Variants in TSHZ2 observed in about 807,000 individuals in gnomAD.
The protein encoded by TSHZ2 is teashirt zinc finger homeobox 2, also known as teashirt homolog 2.
Under a neutral mutation model 74.4 loss-of-function variants are expected in TSHZ2, and 21 were observed. That is an observed-to-expected ratio of 0.28 (90% CI 0.20 to 0.41). The LOEUF (loss-of-function observed/expected upper bound fraction) is 0.41. Ranked by LOEUF, TSHZ2 falls within the 10% of genes least tolerant of loss-of-function variation. The pLI is 1.00. For synonymous variants in TSHZ2, 540 were observed against 515.3 expected (o/e 1.05, Z -0.65); for missense variants, 1,244 against 1,293.5 (o/e 0.96, Z 0.59).
chr20:53,118,787 C>T (rs986936709), intron 1 of TSHZ2, among the ~76,000 whole-genome samples: 13 of 152,068 alleles, frequency 8.5e-5, no homozygotes, highest in Non-Finnish European at 1.8e-4. Flanking sequence ...GTGTACTAGT[C>T]CATTCTCACA....
At chr20:53,375,436 T>C (rs1224425893) in intron 2 of TSHZ2, among the ~76,000 whole-genome samples, 2 of 152,230 alleles carry the variant, frequency 1.3e-5, no homozygotes, top group African/African-American at 4.8e-5. Context: ...TGAGTGGTAC[T>C]TATTCCCCAA....
At chr20:53,233,487 TAAAAG>T (rs751200351) in intron 1 of TSHZ2, among the ~76,000 whole-genome samples, 1 of 152,056 alleles carries the variant, frequency 6.6e-6, no homozygotes, top group Non-Finnish European at 1.5e-5. Context: ...GAAAAAGAAT[TAAAAG>T]AAAGAAGAGA....
At chr20:53,385,269 T>A (rs1033033184) in intron 2 of TSHZ2, among the ~76,000 whole-genome samples, 2 of 152,212 alleles carry the variant, frequency 1.3e-5, no homozygotes, top group African/African-American at 4.8e-5. Flanking sequence ...AAAAGGGATT[T>A]TTTTTTCTCT....
chr20:53,355,290 T>A (rs1980804040), intron 2 of TSHZ2, among the ~76,000 whole-genome samples: 1 of 152,184 alleles, frequency 6.6e-6, no homozygotes, highest in Admixed American at 6.5e-5. Flanking sequence ...GCCAAGAAAG[T>A]CCTTTCTACT....
chr20:52,999,569 G>A (rs980886634), intron 1 of TSHZ2, among the ~76,000 whole-genome samples: 3 of 152,206 alleles, frequency 2.0e-5, no homozygotes, highest in African/African-American at 7.2e-5. Context: ...ACCAGCTGGT[G>A]TCGTATGTGA....
intron 1 of TSHZ2, among the ~76,000 whole-genome samples, chr20:53,142,796 C>T (rs1987437075): frequency 6.6e-6 from 1 of 151,142 alleles, no homozygotes; most frequent in Non-Finnish European, 1.5e-5. Flanking sequence ...TCTAAACCCA[C>T]CCACAAGCCG....
At chr20:53,471,798 CT>C (rs1419080525) in intron 2 of TSHZ2, among the ~76,000 whole-genome samples, 2 of 112,358 alleles carry the variant, frequency 1.8e-5, no homozygotes, top group South Asian at 2.9e-4. Context: ...AGACACTTTT[CT>C]TTTCTTTTTT....
chr20:53,186,165 G>A (rs6097288), intron 1 of TSHZ2, among the ~76,000 whole-genome samples: 2,954 of 152,308 alleles, frequency 0.019, 85 homozygotes, highest in African/African-American at 0.066. Context: ...GTGTTGTCCA[G>A]CTGTTGCTAT....
rs138259034 is a variant in TSHZ2 at position 53,253,935 on chromosome 20, C to T, written c.477C>T (p.Asn159=). Residue 159 remains asparagine, a synonymous_variant, in exon 2 of 3, where the codon AAC becomes AAT. Coordinates refer to ENST00000371497, the MANE Select transcript of TSHZ2 (RefSeq NM_173485.6). ...AGAGGAGGAACTGTGACACCCGAAACGGCAGCAACAAGAGTGATTTTGATT... is the reference window on the plus strand; with the variant it reads ...AGAGGAGGAACTGTGACACCCGAAATGGCAGCAACAAGAGTGATTTTGATT... ...NSERRNCDTR[N]GSNKSDFDWH... 3.1e-6 allele frequency: 5 copies of T among 1,614,044 alleles called. No homozygotes were observed. In the African/African-American group the frequency reaches 4.0e-5, roughly 13 times the overall value.
intron 1 of TSHZ2, among the ~76,000 whole-genome samples, chr20:53,130,877 G>A (rs1987084463): frequency 6.6e-6 from 1 of 152,178 alleles, no homozygotes; most frequent in Non-Finnish European, 1.5e-5. Context: ...CAATTTCTAA[G>A]TGTGCCATTT....
At chr20:52,981,102 T>G (rs1006114999) in intron 1 of TSHZ2, among the ~76,000 whole-genome samples, 1 of 152,220 alleles carries the variant, frequency 6.6e-6, no homozygotes, top group African/African-American at 2.4e-5. Context: ...TTTCCTTTAT[T>G]AGAAAGTTGG....
At chr20:53,387,494 A>T (rs1036023644) in intron 2 of TSHZ2, among the ~76,000 whole-genome samples, 7 of 152,228 alleles carry the variant, frequency 4.6e-5, no homozygotes, top group African/African-American at 1.7e-4. Context: ...GTCACAGGAA[A>T]AGACCATTTT....
chr20:52,991,412 A>G (rs1600633940), intron 1 of TSHZ2, among the ~76,000 whole-genome samples: 1 of 131,094 alleles, frequency 7.6e-6, no homozygotes, highest in African/African-American at 3.0e-5. Flanking sequence ...TTGTGGGGGG[A>G]GAGAGTGTGA....
chr20:53,195,831 C>T, intron 1 of TSHZ2, among the ~76,000 whole-genome samples: 1 of 152,300 alleles, frequency 6.6e-6, no homozygotes, highest in East Asian at 1.9e-4. Flanking sequence ...CAGCCCTTCT[C>T]TCTTCTGCCC....
intron 1 of TSHZ2, among the ~76,000 whole-genome samples, chr20:53,172,393 T>C (rs1189125876): frequency 6.6e-6 from 1 of 152,232 alleles, no homozygotes; most frequent in Non-Finnish European, 1.5e-5. Context: ...ACTCTAGCTA[T>C]TGTTTGGGTT....
At position 53,492,919 on chromosome 20, in the gene TSHZ2, C is replaced by G. The variant is rs1986485946; in HGVS notation, c.*5784C>G. 6.6e-6 allele frequency: 1 copy of G among 152,226 alleles called. No individual in the cohort carries two copies. The highest frequency in any genetic ancestry group is 2.1e-4 in the South Asian group (1 of 4,828). The allele number at this position is 152,226 out of a possible 1,614,324, so 9.4% of individuals were successfully genotyped here. A position where few individuals can be genotyped will look rare whatever the true frequency, so the allele number is the denominator to read the frequency against. Reference sequence around the variant, plus strand: ...ATTCAGAAAGCAGACCGGTCATTTTCAAAGAAAAATGACTGCAACCATGCC... The same window carrying G: ...ATTCAGAAAGCAGACCGGTCATTTTGAAAGAAAAATGACTGCAACCATGCC... On this transcript the variant is annotated 3_prime_UTR_variant, in exon 3 of 3. Transcript: ENST00000371497.
rs1985655239 is a variant in TSHZ2 at position 53,469,045 on chromosome 20, T to TATATATATATATA, written c.*9-18099_*9-18098insATATATATATATA. Among the ~76,000 whole-genome samples the TATATATATATATA allele has an allele frequency of 1.2e-4, 6 of 49,128 alleles. 1 individual carries two copies. Among genetic ancestry groups the TATATATATATATA allele is most frequent in the Non-Finnish European group, 1.7e-4 (4 of 24,052 alleles). 32.2% of individuals were successfully genotyped at this position (49,128 alleles called of 152,430 possible). A position where few individuals can be genotyped will look rare whatever the true frequency, so the allele number is the denominator to read the frequency against. ...ACCTAAAGGCTCTGAAATCGATATT[T>TATATATATATATA]TATATATATATATATATATATATAT... On this transcript the variant is annotated intron_variant, in intron 2 of 2. Transcript: ENST00000371497.
chr20:53,394,219 A>G (rs988074856), intron 2 of TSHZ2, among the ~76,000 whole-genome samples: 1 of 152,238 alleles, frequency 6.6e-6, no homozygotes, highest in Non-Finnish European at 1.5e-5. Context: ...AAGGTGGTCA[A>G]TGGACAAGGA....
At chr20:52,976,782 A>G (rs1981355387) in intron 1 of TSHZ2, among the ~76,000 whole-genome samples, 1 of 152,212 alleles carries the variant, frequency 6.6e-6, no homozygotes, top group Non-Finnish European at 1.5e-5. Context: ...TCTTGTGAAT[A>G]TATCTTTTAT....
Sources: gnomAD v4.1 joint callset for allele counts (sites outside exome capture counted in the v4.1 genomes callset) on GRCh38, gnomAD v4.1.1 for gene constraint, MANE v1.5 for transcripts, NCBI Gene and HGNC (gene_info 2026-07-23, HGNC 2026-07-21) for gene names.